Variants in SHISA9 observed in about 807,000 individuals in gnomAD.
SHISA9 encodes the protein protein shisa-9.
SHISA9 carries 13 observed loss-of-function variants against 38.0 expected under a neutral mutation model. That is an observed-to-expected ratio of 0.34 (90% CI 0.22 to 0.54). SHISA9 has a LOEUF of 0.54. Among genes scored for constraint, SHISA9 ranks in the 20% least tolerant of loss-of-function variants. The pLI is 0.91. For synonymous variants in SHISA9, 275 were observed against 242.0 expected, an observed-to-expected ratio of 1.14 and a Z score of -1.27; for missense variants, 538 against 575.8, an observed-to-expected ratio of 0.93 and a Z score of 0.67.
chr16:13,388,889 A>C, the SHISA9 span, among the ~76,000 whole-genome samples: 1 of 152,196 alleles, frequency 6.6e-6, no homozygotes, highest in South Asian at 2.1e-4. Flanking sequence ...TCAAGTCTTT[A>C]ATACAGAGAA....
intron 4 of SHISA9, among the ~76,000 whole-genome samples, chr16:13,229,708 A>G (rs1444068884): frequency 6.6e-6 from 1 of 152,196 alleles, no homozygotes; most frequent in African/African-American, 2.4e-5. Flanking sequence ...CTGCTCTCAA[A>G]GAACTCGTGG....
chr16:13,095,612 C>A lies in SHISA9; in HGVS notation c.692-107782C>A, dbSNP rs139761663. ...TACAGTCCAGACCATCTTCATTTAA[C>A]TGAATTCTAGCTGTGGGTTTCCAAG... On this transcript the variant is annotated intron_variant, in intron 2 of 4. Transcript: ENST00000558583. 2.0e-3 allele frequency among the ~76,000 whole-genome samples: 307 copies of A among 152,346 alleles called. 1 individual carries two copies. The highest frequency in any genetic ancestry group is 6.8e-3 in the Middle Eastern group (2 of 294).
intron 2 of SHISA9, among the ~76,000 whole-genome samples, chr16:13,171,144 A>G (rs2050682381): frequency 6.6e-6 from 1 of 152,118 alleles, no homozygotes; most frequent in South Asian, 2.1e-4. Context: ...AGCCAACAAG[A>G]GAGAGACAGC....
chr16:13,302,800 G>A, the SHISA9 span, among the ~76,000 whole-genome samples: 177 of 152,278 alleles, frequency 1.2e-3, no homozygotes, highest in African/African-American at 4.2e-3. Context: ...TGTCGAGGGA[G>A]GGACTTGGTG....
At chr16:13,271,353 T>C in the SHISA9 span, among the ~76,000 whole-genome samples, 1 of 152,140 alleles carries the variant, frequency 6.6e-6, no homozygotes, top group African/African-American at 2.4e-5. Flanking sequence ...CCCAAGCCCA[T>C]TAAATCAACG....
In SHISA9 at chr16:12,902,183, T is replaced by G; in HGVS notation, c.119T>G (p.Leu40Arg). 1 of 1,530,296 alleles carries G rather than the reference T, an allele frequency of 6.5e-7. No individual in the cohort carries two copies. The highest frequency in any genetic ancestry group is 8.7e-7 in the Non-Finnish European group (1 of 1,143,618). 94.8% of individuals were successfully genotyped at this position (1,530,296 alleles called of 1,614,324 possible). ...CTGGCGCAACTGGGCGGCGTGTTGCTGCTGGCGGGGGGCAACCGCTCCGGG... is the reference window on the plus strand; with the variant it reads ...CTGGCGCAACTGGGCGGCGTGTTGCGGCTGGCGGGGGGCAACCGCTCCGGG... The part of the protein sequence containing the change: ...GQLAQLGGVL[L>R]LAGGNRSGAA... The change falls in exon 1 of 5, where the codon CTG becomes CGG. Residue 40 changes from leucine (L) to arginine (R), a missense_variant. By Grantham distance (102) the Leu-to-Arg change is moderately radical. Transcript: ENST00000558583.
the SHISA9 span, among the ~76,000 whole-genome samples, chr16:13,387,845 G>A: frequency 1.9e-4 from 29 of 151,828 alleles, no homozygotes; most frequent in African/African-American, 5.6e-4. Flanking sequence ...ACTATGGTCC[G>A]TTACACCCTT....
chr16:13,253,470 A>G, the SHISA9 span, among the ~76,000 whole-genome samples: 1 of 152,192 alleles, frequency 6.6e-6, no homozygotes, highest in African/African-American at 2.4e-5. Flanking sequence ...AAGAGGTTTA[A>G]TGGACTTACA....
the SHISA9 span, among the ~76,000 whole-genome samples, chr16:13,542,408 T>G: frequency 2.6e-5 from 4 of 152,300 alleles, no homozygotes; most frequent in African/African-American, 9.6e-5. Context: ...AGGAAGCTCC[T>G]GTGGGACAGA....
the SHISA9 span, among the ~76,000 whole-genome samples, chr16:13,358,149 T>C: frequency 6.6e-6 from 1 of 152,096 alleles, no homozygotes; most frequent in African/African-American, 2.4e-5. Context: ...AGGGTAGCAA[T>C]TGGCCCTCAC....
chr16:13,367,156 T>A, the SHISA9 span, among the ~76,000 whole-genome samples: 1 of 151,572 alleles, frequency 6.6e-6, no homozygotes, highest in South Asian at 2.1e-4. Context: ...CCAACTACAG[T>A]ACTAGGGTGA....
At chr16:13,393,680 T>G in the SHISA9 span, among the ~76,000 whole-genome samples, 10 of 151,976 alleles carry the variant, frequency 6.6e-5, no homozygotes, top group African/African-American at 2.4e-4. Flanking sequence ...TAAAAGACTG[T>G]GTGAGCCTTG....
the SHISA9 span, among the ~76,000 whole-genome samples, chr16:13,307,834 T>C: frequency 6.6e-6 from 1 of 152,224 alleles, no homozygotes; most frequent in Non-Finnish European, 1.5e-5. Flanking sequence ...ATCTTTTTCA[T>C]CTACCCAATG....
chr16:13,318,435 G>C, the SHISA9 span, among the ~76,000 whole-genome samples: 1 of 151,872 alleles, frequency 6.6e-6, no homozygotes, highest in African/African-American at 2.4e-5. Flanking sequence ...TGATTCTTCT[G>C]CCTTAGCATC....
intron 2 of SHISA9, among the ~76,000 whole-genome samples, chr16:13,108,369 A>G (rs1045797291): frequency 6.6e-6 from 1 of 152,100 alleles, no homozygotes; most frequent in Non-Finnish European, 1.5e-5. Flanking sequence ...AGCTCAAGCA[A>G]TCCTCCTGCC....
chr16:13,007,269 G>A (rs1443770579), intron 2 of SHISA9, among the ~76,000 whole-genome samples: 4 of 152,098 alleles, frequency 2.6e-5, no homozygotes, highest in Non-Finnish European at 4.4e-5. Flanking sequence ...ATAAGGCTCA[G>A]GAGTTGGCTC....
chr16:12,907,818 A>T (rs2071122873), intron 1 of SHISA9, among the ~76,000 whole-genome samples: 1 of 152,112 alleles, frequency 6.6e-6, no homozygotes, highest in South Asian at 2.1e-4. Context: ...TTGGATCTGC[A>T]TTTTCACGCA....
intron 2 of SHISA9, among the ~76,000 whole-genome samples, chr16:13,136,474 C>T (rs1360396987): frequency 7.1e-6 from 1 of 141,466 alleles, no homozygotes; most frequent in African/African-American, 2.6e-5. Context: ...TCTCGACTCA[C>T]TGCAACCTCC....
At chr16:13,277,658 GT>G in the SHISA9 span, among the ~76,000 whole-genome samples, 63 of 149,414 alleles carry the variant, frequency 4.2e-4, no homozygotes, top group Admixed American at 8.0e-4. Context: ...ATATTCCTAA[GT>G]TTTTTTTTTC....
Sources: gnomAD v4.1 joint callset for allele counts (sites outside exome capture counted in the v4.1 genomes callset) on GRCh38, gnomAD v4.1.1 for gene constraint, MANE v1.5 for transcripts, NCBI Gene and HGNC (gene_info 2026-07-23, HGNC 2026-07-21) for gene names.